MAMDC2: variants seen among roughly 807,000 people sequenced by gnomAD.
The protein encoded by MAMDC2 is MAM domain-containing protein 2.
A neutral mutation model predicts 89.8 loss-of-function variants in MAMDC2; 57 were observed. That is an observed-to-expected ratio of 0.63 (90% CI 0.51 to 0.79). The LOEUF (loss-of-function observed/expected upper bound fraction) is 0.79, where lower values mean the gene tolerates loss of function less well. Among genes scored for constraint, MAMDC2 ranks in the 30% least tolerant of loss-of-function variants. The pLI is 0.00. For missense variants in MAMDC2, 800 were observed against 820.6 expected, an observed-to-expected ratio of 0.97 and a Z score of 0.31; for synonymous variants, 313 against 293.4, an observed-to-expected ratio of 1.07 and a Z score of -0.68.
Position 70,211,742 on chromosome 9 carries a change from T to C in MAMDC2, c.1652-6595T>C, listed in dbSNP as rs1210310792. Among the ~76,000 whole-genome samples, 3 of 152,360 alleles carry C rather than the reference T, an allele frequency of 2.0e-5. 1 individual carries two copies. Among genetic ancestry groups the C allele is most frequent in the African/African-American group, 7.2e-5 (3 of 41,596 alleles). On this transcript the variant is annotated intron_variant, in intron 11 of 13. Transcript: ENST00000377182. ...TTTTCAGCTTTTCTGCTCTGGTTTC[T>C]CCCTATCTTTGTGGTTTTATCTACC...
At chr9:70,067,502 C>T (rs1180973010) in intron 2 of MAMDC2, among the ~76,000 whole-genome samples, 1 of 152,196 alleles carries the variant, frequency 6.6e-6, no homozygotes, top group Non-Finnish European at 1.5e-5. Context: ...ATTTACCTTA[C>T]ACATTTTAGG....
At chr9:70,206,058 T>C (rs999339487) in intron 11 of MAMDC2, among the ~76,000 whole-genome samples, 4 of 152,212 alleles carry the variant, frequency 2.6e-5, no homozygotes, top group Admixed American at 6.5e-5. Flanking sequence ...ATTGGTAAGT[T>C]TGTTAAAATT....
intron 12 of MAMDC2, among the ~76,000 whole-genome samples, chr9:70,223,926 C>T (rs1326264794): frequency 6.6e-6 from 1 of 152,044 alleles, no homozygotes; most frequent in African/African-American, 2.4e-5. Flanking sequence ...GTGATCACTA[C>T]TGTATTAAGA....
chr9:70,129,410 C>CT (rs1227627517), intron 6 of MAMDC2, among the ~76,000 whole-genome samples: 1 of 152,124 alleles, frequency 6.6e-6, no homozygotes, highest in African/African-American at 2.4e-5. Flanking sequence ...CCATTAAACT[C>CT]TTTTTCCAGT....
At chr9:70,083,306 A>G (rs955296461) in intron 2 of MAMDC2, 3 of 152,120 alleles carry the variant, frequency 2.0e-5, no homozygotes, top group Admixed American at 6.6e-5. Flanking sequence ...GTGTATATCT[A>G]TGGGATTCTC....
chr9:70,072,471 T>C (rs1444623074), intron 2 of MAMDC2, among the ~76,000 whole-genome samples: 2 of 152,230 alleles, frequency 1.3e-5, no homozygotes, highest in African/African-American at 2.4e-5. Flanking sequence ...GGTGATACTG[T>C]ATCTAATAGA....
At chr9:70,134,771 G>A (rs185867181) in intron 7 of MAMDC2, among the ~76,000 whole-genome samples, 344 of 152,232 alleles carry the variant, frequency 2.3e-3, no homozygotes, top group African/African-American at 8.0e-3. Flanking sequence ...CAGCCTAGTC[G>A]GTGACTCTGG....
At position 70,154,516 on chromosome 9, in the gene MAMDC2, G is replaced by A. The variant is rs115450802; in HGVS notation, c.1404+10697G>A. Among the ~76,000 whole-genome samples, 691 of 142,108 alleles carry A rather than the reference G, an allele frequency of 4.9e-3. 9 individuals carry two copies. Among genetic ancestry groups the A allele is most frequent in the African/African-American group, 0.017 (665 of 38,366 alleles). 93.2% of individuals were successfully genotyped at this position (142,108 alleles called of 152,430 possible). A position where few individuals can be genotyped will look rare whatever the true frequency, so the allele number is the denominator to read the frequency against. On this transcript the variant is annotated intron_variant, in intron 9 of 13. Coordinates refer to ENST00000377182, the MANE Select transcript of MAMDC2 (RefSeq NM_153267.5). ...AAGACATTTATGGTATGCTGAGTCCGATTTGGAACAATTTTTTTTTTTTTT... is the reference window on the plus strand; with the variant it reads ...AAGACATTTATGGTATGCTGAGTCCAATTTGGAACAATTTTTTTTTTTTTT...
chr9:70,044,112 C>T lies in MAMDC2; in HGVS notation c.-86C>T, dbSNP rs1446702306. 2 of 1,545,234 alleles carry T rather than the reference C, an allele frequency of 1.3e-6. No homozygotes were observed. The highest frequency in any genetic ancestry group is 2.7e-5 in the African/African-American group (2 of 73,548). On this transcript the variant is annotated 5_prime_UTR_variant, in exon 1 of 14. Transcript: ENST00000377182. ...CCTTGGGTCCCCGGCGCCCCCGCCT[C>T]CCACGATCCCTTTCACTAGGAGCAG...
chr9:70,045,382 G>GT (rs201406057), intron 2 of MAMDC2, among the ~76,000 whole-genome samples: 1,567 of 152,022 alleles, frequency 0.01, 14 homozygotes, highest in Non-Finnish European at 0.014. Flanking sequence ...CCTTTATATA[G>GT]TTTTTTTTGT....
At chr9:70,093,335 T>A (rs1403729119) in intron 2 of MAMDC2, among the ~76,000 whole-genome samples, 2 of 152,110 alleles carry the variant, frequency 1.3e-5, no homozygotes, top group African/African-American at 4.8e-5. Flanking sequence ...TCATACCAGG[T>A]ACACCTGGGG....
At chr9:70,129,344 C>A (rs911968486) in intron 6 of MAMDC2, among the ~76,000 whole-genome samples, 3 of 152,174 alleles carry the variant, frequency 2.0e-5, no homozygotes, top group African/African-American at 7.2e-5. Context: ...GTGACTTGCT[C>A]CTCTTTGCCT....
intron 9 of MAMDC2, among the ~76,000 whole-genome samples, chr9:70,158,019 T>C (rs1436159038): frequency 1.3e-5 from 2 of 152,158 alleles, no homozygotes; most frequent in African/African-American, 4.8e-5. Context: ...TCCAGTGGTG[T>C]GATCATAGCT....
At chr9:70,091,538 A>G (rs536800922) in intron 2 of MAMDC2, among the ~76,000 whole-genome samples, 10 of 152,348 alleles carry the variant, frequency 6.6e-5, no homozygotes, top group African/African-American at 2.4e-4. Flanking sequence ...TAATTTTTTT[A>G]GTATAAGTAT....
Position 70,218,540 on chromosome 9 carries a change from C to CAG in MAMDC2, c.1858_1859dup (p.Ser620ArgfsTer9), listed in dbSNP as rs764554507. ...CCTCTTATGGAGGAGAAGAGGTGAA[C>CAG]AGAGCATTTCCTGGCTACGAGCACT... On this transcript the variant is annotated frameshift_variant, in exon 12 of 14. Coordinates refer to ENST00000377182, the MANE Select transcript of MAMDC2 (RefSeq NM_153267.5). LOFTEE classifies it high-confidence loss of function. 6.2e-7 allele frequency: 1 copy of CAG among 1,614,138 alleles called. No individual in the cohort carries two copies. Among genetic ancestry groups the CAG allele is most frequent in the South Asian group, 1.1e-5 (1 of 91,068 alleles).
At chr9:70,149,850 G>A (rs1266884961) in intron 9 of MAMDC2, among the ~76,000 whole-genome samples, 1 of 152,220 alleles carries the variant, frequency 6.6e-6, no homozygotes, top group Non-Finnish European at 1.5e-5. Context: ...AGGCTCATAT[G>A]CAGCTGAGCT....
intron 2 of MAMDC2, among the ~76,000 whole-genome samples, chr9:70,088,166 C>A (rs1325274579): frequency 6.6e-6 from 1 of 152,120 alleles, no homozygotes; most frequent in African/African-American, 2.4e-5. Flanking sequence ...TACCCCTGGG[C>A]TCCTACAGTT....
At chr9:70,143,012 G>T (rs959440720) in intron 8 of MAMDC2, among the ~76,000 whole-genome samples, 1 of 152,112 alleles carries the variant, frequency 6.6e-6, no homozygotes, top group Admixed American at 6.5e-5. Flanking sequence ...GGATCCATCT[G>T]ATGAAAAACC....
chr9:70,217,224 G>A (rs1465091959), intron 11 of MAMDC2: 6 of 825,154 alleles, frequency 7.3e-6, no homozygotes, highest in Admixed American at 1.7e-5. Context: ...GTTTTAGTGG[G>A]TACAAGATCT....
Sources: allele counts gnomAD v4.1 joint callset (sites outside exome capture counted in the v4.1 genomes callset), GRCh38; gene constraint gnomAD v4.1.1; transcripts MANE v1.5; gene names NCBI Gene and HGNC (gene_info 2026-07-23, HGNC 2026-07-21).